Variants in PCDH7 observed in about 807,000 individuals in gnomAD.
PCDH7 encodes protocadherin-7.
PCDH7 carries 17 observed loss-of-function variants against 58.9 expected under a neutral mutation model. The ratio of observed to expected loss-of-function variants is 0.29; its 90% CI spans 0.20 to 0.43. PCDH7 has a LOEUF of 0.43. PCDH7 is among the 20% of genes least tolerant of loss of function. The probability of loss-of-function intolerance (pLI) is 1.00; values close to 1 mark genes in which losing one functional copy is unlikely to be tolerated. For missense variants in PCDH7, 1,274 were observed against 1,441.0 expected (o/e 0.88, Z 1.88); for synonymous variants, 664 against 616.4 (o/e 1.08, Z -1.14).
chr4:30,757,701 G>A (rs912944605), intron 1 of PCDH7, among the ~76,000 whole-genome samples: 3 of 151,948 alleles, frequency 2.0e-5, no homozygotes, highest in African/African-American at 4.8e-5. Context: ...GTCTTCATTC[G>A]ACATACACTA....
intron 3 of PCDH7, among the ~76,000 whole-genome samples, chr4:31,046,593 A>G (rs1177302000): frequency 1.3e-5 from 2 of 151,954 alleles, no homozygotes; most frequent in Non-Finnish European, 2.9e-5. Flanking sequence ...TCAGACATAG[A>G]GTTTAAAAAT....
In PCDH7 at chr4:31,074,784, C is replaced by CAAAAAAAAAAAAAAAAAAAAA. The variant is rs1157267696; in HGVS notation, c.*8-67686_*8-67666dup. Among the ~76,000 whole-genome samples the CAAAAAAAAAAAAAAAAAAAAA allele has an allele frequency of 1.7e-4, 9 of 52,470 alleles. 1 individual carries two copies. Among genetic ancestry groups the CAAAAAAAAAAAAAAAAAAAAA allele is most frequent in the East Asian group, 1.0e-3 (1 of 978 alleles). 34.4% of individuals were successfully genotyped at this position (52,470 alleles called of 152,430 possible). On this transcript the variant is annotated intron_variant, in intron 3 of 3. Coordinates refer to the PCDH7 transcript ENST00000509759. ...TGGGCTACAGAGGGAGATTCCGTCTCAAAAAAAAAAAAAAAAAAAAAAAGC... is the reference window on the plus strand; with the variant it reads ...TGGGCTACAGAGGGAGATTCCGTCTCAAAAAAAAAAAAAAAAAAAAAAAAAAAAAAAAAAAAAAAAAAAAGC...
At chr4:30,977,934 T>C (rs2109105894) in intron 3 of PCDH7, among the ~76,000 whole-genome samples, 1 of 152,346 alleles carries the variant, frequency 6.6e-6, no homozygotes, top group South Asian at 2.1e-4. Context: ...GTTGCGTATA[T>C]AGTGATGCAG....
intron 3 of PCDH7, among the ~76,000 whole-genome samples, chr4:31,097,613 T>C (rs1272714299): frequency 2.8e-5 from 1 of 35,224 alleles, no homozygotes; most frequent in Non-Finnish European, 4.3e-5. Flanking sequence ...TATATATATA[T>C]ATATATATAT....
At chr4:30,804,893 C>T (rs79315566) in intron 1 of PCDH7, among the ~76,000 whole-genome samples, 12 of 152,266 alleles carry the variant, frequency 7.9e-5, no homozygotes, top group East Asian at 3.9e-4. Flanking sequence ...TCTATGTAGT[C>T]GTTCTCTATT....
intron 3 of PCDH7, among the ~76,000 whole-genome samples, chr4:31,002,796 C>T (rs1236171721): frequency 2.6e-5 from 4 of 152,124 alleles, no homozygotes; most frequent in Non-Finnish European, 5.9e-5. Context: ...ATAGTTATAG[C>T]CCCAAATATT....
chr4:30,999,467 AT>A (rs1327690137), intron 3 of PCDH7, among the ~76,000 whole-genome samples: 1 of 152,130 alleles, frequency 6.6e-6, no homozygotes, highest in East Asian at 1.9e-4. Flanking sequence ...ACATTCACAA[AT>A]ATGCAGGGGA....
intron 1 of PCDH7, among the ~76,000 whole-genome samples, chr4:30,826,338 T>C (rs1287838908): frequency 6.6e-6 from 1 of 152,152 alleles, no homozygotes; most frequent in Admixed American, 6.6e-5. Flanking sequence ...ATAAAACAAA[T>C]GCACTGAACA....
chr4:30,760,436 C>A (rs1266195632), intron 1 of PCDH7, among the ~76,000 whole-genome samples: 1 of 152,092 alleles, frequency 6.6e-6, no homozygotes, highest in East Asian at 1.9e-4. Context: ...GATCCTATAT[C>A]TAGAAAACCC....
At chr4:31,033,149 TA>T (rs1755102402) in intron 3 of PCDH7, among the ~76,000 whole-genome samples, 1 of 152,110 alleles carries the variant, frequency 6.6e-6, no homozygotes, top group Non-Finnish European at 1.5e-5. Flanking sequence ...AAATGCAAAA[TA>T]AAAATAATGT....
intron 2 of PCDH7, among the ~76,000 whole-genome samples, chr4:30,937,042 G>A (rs1017770907): frequency 2.6e-5 from 2 of 76,876 alleles, no homozygotes; most frequent in African/African-American, 9.0e-5. Flanking sequence ...AATGGGAAGA[G>A]GCATAAGAAA....
chr4:31,067,374 CAAA>C (rs10715937), intron 3 of PCDH7, among the ~76,000 whole-genome samples: 10,885 of 109,716 alleles, frequency 0.099, 304 homozygotes, highest in South Asian at 0.2. Flanking sequence ...ATCACTGAGA[CAAA>C]AAAAAAAAAA....
chr4:30,927,293 G>A (rs1484819544), intron 2 of PCDH7, among the ~76,000 whole-genome samples: 1 of 152,136 alleles, frequency 6.6e-6, no homozygotes, highest in Non-Finnish European at 1.5e-5. Flanking sequence ...CCAGATTTAT[G>A]TATAAAAAAA....
chr4:30,828,156 A>G (rs982835891), intron 1 of PCDH7, among the ~76,000 whole-genome samples: 3 of 152,054 alleles, frequency 2.0e-5, no homozygotes, highest in Non-Finnish European at 4.4e-5. Context: ...AGGTGGTACT[A>G]TTATTGTTAG....
exon 2 of PCDH7, chr4:30,731,012 T>A: frequency 8.3e-7 from 1 of 1,211,932 alleles, no homozygotes; most frequent in African/African-American, 1.6e-5. Context: ...GTGCTACTAA[T>A]GGATGTCTGA....
At chr4:30,827,115 G>A (rs1729193757) in intron 1 of PCDH7, among the ~76,000 whole-genome samples, 1 of 152,194 alleles carries the variant, frequency 6.6e-6, no homozygotes. Flanking sequence ...TAAAGTTACA[G>A]TTAAGTTCAT....
At chr4:30,892,497 G>C (rs1197640770) in intron 1 of PCDH7, among the ~76,000 whole-genome samples, 1 of 151,934 alleles carries the variant, frequency 6.6e-6, no homozygotes, top group African/African-American at 2.4e-5. Context: ...ATATTTCATG[G>C]TGAAATAGAA....
At chr4:30,727,066 T>G (rs1714713097) in intron 1 of PCDH7, among the ~76,000 whole-genome samples, 1 of 151,946 alleles carries the variant, frequency 6.6e-6, no homozygotes, top group African/African-American at 2.4e-5. Flanking sequence ...TCGCGGGAAT[T>G]TCCTTCTTTT....
rs756441338 is a variant in PCDH7 at position 30,723,254 on chromosome 4, C to T, written c.1832C>T (p.Ala611Val). The change falls in exon 1 of 2, where the codon GCC (alanine) becomes GTC (valine). Residue 611 changes from alanine (A) to valine (V), a missense_variant. Ala to Val is a moderately conservative substitution (Grantham distance 64). Transcript: ENST00000361762. The surrounding 1 kb of genome is among the most constrained non-coding windows in gnomAD (Gnocchi z 4.6). ...GACAGGTATGAGTTTAAAGTTAACGCCAAAGACAAAGGCATCCCCGTGCTG... is the reference window on the plus strand; with the variant it reads ...GACAGGTATGAGTTTAAAGTTAACGTCAAAGACAAAGGCATCCCCGTGCTG... 2.7e-5 allele frequency: 43 copies of T among 1,614,054 alleles called. No individual in the cohort carries two copies. The highest frequency in any genetic ancestry group is 1.2e-4 in the Admixed American group (7 of 60,010).
Sources: allele counts gnomAD v4.1 joint callset (sites outside exome capture counted in the v4.1 genomes callset), GRCh38; gene constraint gnomAD v4.1.1; non-coding constraint Gnocchi (gnomAD v3.1); transcripts MANE v1.5; gene names NCBI Gene and HGNC (gene_info 2026-07-23, HGNC 2026-07-21).